EMC2: variants seen among roughly 807,000 people sequenced by gnomAD.
EMC2 encodes the protein ER membrane protein complex subunit 2.
Under a neutral mutation model 51.6 loss-of-function variants are expected in EMC2, and 37 were observed. The observed-to-expected ratio is 0.72, with a 90% CI of 0.55 to 0.94. The LOEUF (loss-of-function observed/expected upper bound fraction) is 0.94, where lower values mean the gene tolerates loss of function less well. EMC2 is among the 40% of genes least tolerant of loss of function. The pLI, the probability that EMC2 is intolerant of heterozygous loss-of-function variation, is 0.00. For missense variants in EMC2, 359 were observed against 350.9 expected (o/e 1.02, Z -0.18); for synonymous variants, 131 against 112.4 (o/e 1.17, Z -1.04).
chr8:108,482,907 G>A (rs1406008673), intron 10 of EMC2, among the ~76,000 whole-genome samples: 3 of 152,036 alleles, frequency 2.0e-5, no homozygotes, highest in Non-Finnish European at 2.9e-5. Flanking sequence ...TTTTATGTAT[G>A]ATGTGAAATA....
At chr8:108,474,604 A>T (rs1275793398) in intron 7 of EMC2, 1 of 151,692 alleles carries the variant, frequency 6.6e-6, no homozygotes, top group East Asian at 1.9e-4. Context: ...GTCCTTCATA[A>T]ATCTAAAATG....
chr8:108,449,618 T>A (rs1232876368), intron 1 of EMC2, among the ~76,000 whole-genome samples: 1 of 152,230 alleles, frequency 6.6e-6, no homozygotes, highest in African/African-American at 2.4e-5. Context: ...GTAATGCTGT[T>A]TCAGTCTTCT....
chr8:108,481,910 A>C (rs1811050542), intron 10 of EMC2, among the ~76,000 whole-genome samples: 2 of 152,252 alleles, frequency 1.3e-5, no homozygotes, highest in Admixed American at 1.3e-4. Context: ...CATTGTATGA[A>C]TGTTATAATT....
At chr8:108,451,353 AT>A (rs1819017096) in intron 3 of EMC2, among the ~76,000 whole-genome samples, 1 of 152,130 alleles carries the variant, frequency 6.6e-6, no homozygotes, top group Non-Finnish European at 1.5e-5. Flanking sequence ...TCTTGATTTG[AT>A]TTGTGTTTGA....
chr8:108,476,321 G>A (rs563806069), intron 8 of EMC2, among the ~76,000 whole-genome samples: 17 of 151,944 alleles, frequency 1.1e-4, no homozygotes, highest in African/African-American at 3.4e-4. Flanking sequence ...TGGGACATAA[G>A]TATTTATTTA....
At chr8:108,486,487 G>GTTTT in intron 10 of EMC2, 25 bp from the exon 11 acceptor site, 7 of 1,270,552 alleles carry the variant, frequency 5.5e-6, no homozygotes, top group Admixed American at 4.0e-5. Flanking sequence ...GCCTAATTGA[G>GTTTT]CTTTTTTTTT....
rs1047412913 is a variant in EMC2 at position 108,488,815 on chromosome 8, A to G, written c.*2217A>G. Reference sequence around the variant, plus strand: ...AATCAACCATCCATTCTGTCTCTCTATTGTGGTAGCTACTAACCATATGTG... The same window carrying G: ...AATCAACCATCCATTCTGTCTCTCTGTTGTGGTAGCTACTAACCATATGTG... On this transcript the variant is annotated 3_prime_UTR_variant, in exon 11 of 11. Coordinates refer to ENST00000220853, the MANE Select transcript of EMC2 (RefSeq NM_014673.5). Among the ~76,000 whole-genome samples, 6 of 152,182 alleles carry G rather than the reference A, an allele frequency of 3.9e-5. No homozygotes were observed. Among genetic ancestry groups the G allele is most frequent in the Non-Finnish European group, 7.3e-5 (5 of 68,036 alleles).
Position 108,486,519 on chromosome 8 carries a change from G to A in EMC2, c.815G>A (p.Gly272Asp), listed in dbSNP as rs1363893258. ...TTTTTTTTTTTTAATTAGTTTGCAG[G>A]TCGAAGTAAGAAGGAAACCAAATAT... ...SQINRAYQFAGRSKKETKYSL... is the reference protein window; with the variant it reads ...SQINRAYQFADRSKKETKYSL... Residue 272 changes from glycine to aspartate, a missense_variant, in exon 11 of 11, where the codon GGT becomes GAT. Transcript: ENST00000220853. The A allele has an allele frequency of 1.3e-6, 2 of 1,544,024 alleles. No homozygotes were observed. The highest frequency in any genetic ancestry group is 2.9e-5 in the African/African-American group (2 of 68,172).
intron 10 of EMC2, among the ~76,000 whole-genome samples, chr8:108,481,481 T>C (rs950875415): frequency 5.3e-5 from 8 of 151,962 alleles, no homozygotes; most frequent in Non-Finnish European, 1.2e-4. Flanking sequence ...AAAAAAGATT[T>C]GTGTAATATA....
At chr8:108,470,559 A>C (rs1276689727) in intron 7 of EMC2, among the ~76,000 whole-genome samples, 1 of 152,128 alleles carries the variant, frequency 6.6e-6, no homozygotes, top group East Asian at 1.9e-4. Flanking sequence ...AAGAGAATCA[A>C]CTCTTCCAAA....
intron 5 of EMC2, among the ~76,000 whole-genome samples, chr8:108,467,253 T>C (rs1454068148): frequency 2.6e-5 from 4 of 152,210 alleles, no homozygotes; most frequent in African/African-American, 9.7e-5. Flanking sequence ...AACCAGTGTT[T>C]TTGTTATTAT....
Position 108,455,885 on chromosome 8 carries a change from T to C in EMC2, c.318T>C (p.Ala106=). Residue 106 remains alanine, a synonymous_variant, in exon 5 of 11, where the codon GCT becomes GCC. Transcript: ENST00000220853. ...TCTTTTTAAATAGATATGATGATGC[T>C]ATACAGCTATATGATAGGATTTTAC... ...RFEAMERYDD[A]IQLYDRILQE... is the part of the protein sequence containing the mutation. The C allele has an allele frequency of 1.6e-6, 2 of 1,285,174 alleles. No individual in the cohort carries two copies. The highest frequency in any genetic ancestry group is 2.6e-5 in the East Asian group (1 of 38,262). The allele number at this position is 1,285,174 out of a possible 1,614,324, so 79.6% of individuals were successfully genotyped here. A position where few individuals can be genotyped will look rare whatever the true frequency, so the allele number is the denominator to read the frequency against.
intron 4 of EMC2, among the ~76,000 whole-genome samples, chr8:108,453,419 A>G (rs1245010474): frequency 1.3e-5 from 2 of 152,226 alleles, no homozygotes; most frequent in South Asian, 2.1e-4. Context: ...GGAGGTCTTT[A>G]TATATTCTGG....
At chr8:108,457,426 A>G (rs11782390) in intron 5 of EMC2, among the ~76,000 whole-genome samples, 103,394 of 151,154 alleles carry the variant, frequency 0.68, 35,917 homozygotes, top group African/African-American at 0.81. Flanking sequence ...TTTTCATGCT[A>G]CTGATAAAGA....
Position 108,486,636 on chromosome 8 carries a change from C to T in EMC2, c.*38C>T, listed in dbSNP as rs1811146137. The T allele has an allele frequency of 6.4e-7, 1 of 1,551,060 alleles. No homozygotes were observed. The highest frequency in any genetic ancestry group is 8.7e-7 in the Non-Finnish European group (1 of 1,149,334). On this transcript the variant is annotated 3_prime_UTR_variant, in exon 11 of 11. Transcript: ENST00000220853. ...TCTTTGACATTAGATTTCACAACTG[C>T]ACAATTGAACTTATTGGCCTGTAAC...
chr8:108,484,876 A>G (rs906975466), intron 10 of EMC2, among the ~76,000 whole-genome samples: 2 of 151,984 alleles, frequency 1.3e-5, no homozygotes, highest in East Asian at 3.9e-4. Context: ...AAAAAGACAA[A>G]ATTTTAAATG....
intron 10 of EMC2, among the ~76,000 whole-genome samples, chr8:108,486,216 G>C (rs1243590940): frequency 2.6e-5 from 4 of 151,348 alleles, no homozygotes; most frequent in Non-Finnish European, 5.9e-5. Context: ...CATTATTTTG[G>C]TCTGAATAAG....
intron 8 of EMC2, 149 bp downstream of exon 8, chr8:108,476,112 A>G (rs1810942014): frequency 4.1e-6 from 2 of 489,356 alleles, no homozygotes; most frequent in African/African-American, 4.1e-5. Flanking sequence ...AAAAGTTTAA[A>G]ATTTTTAACA....
chr8:108,462,401 C>G (rs999740977), intron 5 of EMC2, among the ~76,000 whole-genome samples: 1 of 152,012 alleles, frequency 6.6e-6, no homozygotes, highest in African/African-American at 2.4e-5. Context: ...CTTTAAGTCC[C>G]CTTGGTGAAC....
Sources: gnomAD v4.1 joint callset for allele counts (sites outside exome capture counted in the v4.1 genomes callset) on GRCh38, gnomAD v4.1.1 for gene constraint, MANE v1.5 for transcripts, NCBI Gene and HGNC (gene_info 2026-07-23, HGNC 2026-07-21) for gene names.